NBAS: variants seen among roughly 807,000 people sequenced by gnomAD.
NBAS encodes NBAS subunit of NRZ tethering complex.
In NBAS, 219 loss-of-function variants were observed where a neutral mutation model predicts 302.5. The observed-to-expected ratio is 0.72, with a 90% CI of 0.65 to 0.81. NBAS has a LOEUF of 0.81. Among genes scored for constraint, NBAS ranks in the 30% least tolerant of loss-of-function variants. NBAS has a pLI of 0.00. For synonymous variants in NBAS, 1,118 were observed against 1,021.6 expected, an observed-to-expected ratio of 1.09 and a Z score of -1.80; for missense variants, 2,932 against 2,841.6, an observed-to-expected ratio of 1.03 and a Z score of -0.72.
At chr2:14,828,918 C>T in the NBAS span, among the ~76,000 whole-genome samples, 2 of 152,116 alleles carry the variant, frequency 1.3e-5, no homozygotes, top group Non-Finnish European at 2.9e-5. Flanking sequence ...TATAACAAAA[C>T]ATTAAGAGTG....
the NBAS span, among the ~76,000 whole-genome samples, chr2:14,989,681 A>G: frequency 6.6e-6 from 1 of 152,214 alleles, no homozygotes; most frequent in African/African-American, 2.4e-5. Context: ...CATTGACCCA[A>G]AGAGACAAAC....
At chr2:15,004,877 T>A in the NBAS span, among the ~76,000 whole-genome samples, 6 of 152,194 alleles carry the variant, frequency 3.9e-5, no homozygotes, top group South Asian at 1.2e-3. Flanking sequence ...TATCATACAT[T>A]GTATTCTATG....
chr2:14,900,833 A>G, the NBAS span, among the ~76,000 whole-genome samples: 1 of 152,260 alleles, frequency 6.6e-6, no homozygotes, highest in African/African-American at 2.4e-5. Context: ...GGGGAGACAC[A>G]GCATCAGGAA....
the NBAS span, among the ~76,000 whole-genome samples, chr2:14,939,263 C>T: frequency 6.6e-6 from 1 of 152,230 alleles, no homozygotes; most frequent in Non-Finnish European, 1.5e-5. Context: ...GCTTCTGTTC[C>T]TTTTGTCCAA....
At chr2:15,001,375 C>A in the NBAS span, among the ~76,000 whole-genome samples, 3 of 152,086 alleles carry the variant, frequency 2.0e-5, no homozygotes, top group Non-Finnish European at 4.4e-5. Context: ...CACACATTTG[C>A]TTGCTATTCC....
Position 15,461,222 on chromosome 2 carries a change from G to T in NBAS, c.2318C>A (p.Ser773Tyr), listed in dbSNP as rs1679491797. ...ATACCAAGCTTCGGGCAGCAAAACAGAATATTCATGTGGAGAAGTGGTCTC... is the reference window on the plus strand; with the variant it reads ...ATACCAAGCTTCGGGCAGCAAAACATAATATTCATGTGGAGAAGTGGTCTC... ...FPETTSPHEY[S>Y]VLLPEACFNG... Residue 773 changes from serine (S) to tyrosine (Y), a missense_variant, in exon 21 of 52, where the codon TCT (serine) becomes TAT (tyrosine). Transcript: ENST00000281513. The T allele has an allele frequency of 1.2e-6, 2 of 1,613,678 alleles. No homozygotes were observed. The highest frequency in any genetic ancestry group is 2.7e-5 in the African/African-American group (2 of 74,884).
At chr2:14,858,813 A>G in the NBAS span, among the ~76,000 whole-genome samples, 1 of 152,070 alleles carries the variant, frequency 6.6e-6, no homozygotes, top group African/African-American at 2.4e-5. Context: ...TTAAAAACTA[A>G]AAGAATATAA....
the NBAS span, among the ~76,000 whole-genome samples, chr2:14,955,463 A>T: frequency 6.6e-6 from 1 of 152,104 alleles, no homozygotes; most frequent in African/African-American, 2.4e-5. Context: ...CCCAGTGGGG[A>T]ATCTGTATGG....
the NBAS span, among the ~76,000 whole-genome samples, chr2:14,959,555 A>G: frequency 1.3e-5 from 2 of 152,202 alleles, no homozygotes; most frequent in Non-Finnish European, 2.9e-5. Flanking sequence ...AAGAACACAC[A>G]TAAGACCCTC....
chr2:15,105,350 A>G, the NBAS span, among the ~76,000 whole-genome samples: 1 of 152,140 alleles, frequency 6.6e-6, no homozygotes, highest in Non-Finnish European at 1.5e-5. Flanking sequence ...TGGCATGTGT[A>G]TACCTATGTA....
At chr2:15,538,034 A>T (rs1663603904) in intron 7 of NBAS, among the ~76,000 whole-genome samples, 1 of 152,250 alleles carries the variant, frequency 6.6e-6, no homozygotes, top group South Asian at 2.1e-4. Flanking sequence ...AAAAATTTAA[A>T]ATCAAAGAAA....
At chr2:15,337,912 C>CTAA (rs1348477941) in intron 35 of NBAS, among the ~76,000 whole-genome samples, 1 of 152,198 alleles carries the variant, frequency 6.6e-6, no homozygotes, top group Non-Finnish European at 1.5e-5. Context: ...TGGCACACTG[C>CTAA]TAATTAATTT....
At chr2:15,130,234 A>G in the NBAS span, among the ~76,000 whole-genome samples, 2 of 152,156 alleles carry the variant, frequency 1.3e-5, no homozygotes, top group Non-Finnish European at 2.9e-5. Flanking sequence ...TATTTCATTC[A>G]TTTCATGGCT....
Position 15,287,164 on chromosome 2 carries a change from A to C in NBAS, c.5047T>G (p.Tyr1683Asp). ...GLAETLEESV[Y>D]SIAISLAQRY... ...TGTGCCAGAGAAATAGCAATGCTGT[A>C]GACGCTTTCCTCTAGAGTTCTGCAG... The change falls in exon 42 of 52, where the codon TAC becomes GAC. Residue 1683 changes from tyrosine (Y) to aspartate (D), a missense_variant. Physicochemically the swap from Tyr to Asp is radical, Grantham distance 160 (BLOSUM62 -3). Coordinates refer to ENST00000281513, the MANE Select transcript of NBAS (RefSeq NM_015909.4). 6.2e-7 allele frequency: 1 copy of C among 1,613,954 alleles called. No homozygotes were observed. Among genetic ancestry groups the C allele is most frequent in the Non-Finnish European group, 8.5e-7 (1 of 1,179,846 alleles).
intron 32 of NBAS, among the ~76,000 whole-genome samples, chr2:15,357,542 T>A (rs967243435): frequency 1.3e-5 from 2 of 152,180 alleles, no homozygotes; most frequent in Non-Finnish European, 2.9e-5. Flanking sequence ...TGTTTATTCA[T>A]TTGAAGAGAC....
chr2:14,786,630 T>C, the NBAS span, among the ~76,000 whole-genome samples: 2 of 152,264 alleles, frequency 1.3e-5, no homozygotes, highest in South Asian at 4.1e-4. Flanking sequence ...AGTTGAGCGG[T>C]TTTGAGTGAG....
At chr2:15,459,774 T>C (rs1468558513) in intron 21 of NBAS, among the ~76,000 whole-genome samples, 2 of 152,150 alleles carry the variant, frequency 1.3e-5, no homozygotes, top group African/African-American at 4.8e-5. Context: ...CCACCGCACC[T>C]GGCCCTTTTT....
chr2:15,237,886 TGCCTCA>T (rs1667675774), intron 45 of NBAS, among the ~76,000 whole-genome samples: 1 of 149,714 alleles, frequency 6.7e-6, no homozygotes, highest in Non-Finnish European at 1.5e-5. Flanking sequence ...GCCATTCCCC[TGCCTCA>T]GCCTCCTGAG....
the NBAS span, among the ~76,000 whole-genome samples, chr2:14,841,838 A>T: frequency 6.6e-6 from 1 of 152,020 alleles, no homozygotes; most frequent in African/African-American, 2.4e-5. Context: ...TAGGCTTAAT[A>T]AGCCTAACTG....
Sources: gnomAD v4.1 joint callset for allele counts (sites outside exome capture counted in the v4.1 genomes callset) on GRCh38, gnomAD v4.1.1 for gene constraint, MANE v1.5 for transcripts, NCBI Gene and HGNC (gene_info 2026-07-23, HGNC 2026-07-21) for gene names.